TRHDE: variants seen among roughly 807,000 people sequenced by gnomAD.
TRHDE encodes the protein thyrotropin-releasing hormone-degrading ectoenzyme.
In TRHDE, 72 loss-of-function variants were observed where a neutral mutation model predicts 125.7. The ratio of observed to expected loss-of-function variants is 0.57; its 90% confidence interval spans 0.47 to 0.70. The LOEUF (loss-of-function observed/expected upper bound fraction) is 0.70. Among genes scored for constraint, TRHDE ranks in the 30% least tolerant of loss-of-function variants. TRHDE has a pLI of 0.00. For synonymous variants in TRHDE, 509 were observed against 509.1 expected, an observed-to-expected ratio of 1.00 and a Z score of 0.00; for missense variants, 1,110 against 1,327.1, an observed-to-expected ratio of 0.84 and a Z score of 2.54.
At chr12:72,557,970 C>T (rs1470959409) in intron 7 of TRHDE, among the ~76,000 whole-genome samples, 1 of 152,024 alleles carries the variant, frequency 6.6e-6, no homozygotes, top group African/African-American at 2.4e-5. Context: ...CACACACACA[C>T]ACACACACAT....
chr12:72,415,801 T>A (rs1873706859), intron 3 of TRHDE, among the ~76,000 whole-genome samples: 1 of 152,148 alleles, frequency 6.6e-6, no homozygotes, highest in South Asian at 2.1e-4. Context: ...ACATTTAGAC[T>A]GATTCCATAC....
Position 72,499,574 on chromosome 12 carries a change from C to T in TRHDE, c.1661C>T (p.Ser554Leu). Residue 554 changes from serine (S) to leucine (L), a missense_variant, in exon 6 of 19, where the codon TCA becomes TTA. Transcript: ENST00000261180. ...LDGLASSHPV[S>L]QEVLQATDID... Reference sequence around the variant, plus strand: ...GGTTTGGCCAGTTCCCATCCAGTATCACAGGAAGTGCTGCAGGCAACAGAT... The same window carrying T: ...GGTTTGGCCAGTTCCCATCCAGTATTACAGGAAGTGCTGCAGGCAACAGAT... The T allele has an allele frequency of 6.2e-7, 1 of 1,613,864 alleles. No homozygotes were observed.
At chr12:72,187,596 T>C (rs1021276575) in intron 2 of TRHDE, among the ~76,000 whole-genome samples, 1 of 152,050 alleles carries the variant, frequency 6.6e-6, no homozygotes, top group African/African-American at 2.4e-5. Flanking sequence ...GGAACACTGA[T>C]GTCCTAGCTC....
intron 2 of TRHDE, among the ~76,000 whole-genome samples, chr12:72,157,439 T>C (rs763156481): frequency 7.2e-5 from 11 of 152,142 alleles, no homozygotes; most frequent in South Asian, 2.1e-4. Flanking sequence ...AGGAGGCCAT[T>C]ATAATAGTTC....
intron 2 of TRHDE, among the ~76,000 whole-genome samples, chr12:72,233,440 T>A (rs1221867423): frequency 6.6e-6 from 1 of 152,138 alleles, no homozygotes; most frequent in Non-Finnish European, 1.5e-5. Flanking sequence ...TGACTCGAGA[T>A]GGCTAGAGCG....
chr12:72,305,802 A>T (rs954351319), intron 2 of TRHDE, among the ~76,000 whole-genome samples: 2 of 152,218 alleles, frequency 1.3e-5, no homozygotes, highest in African/African-American at 4.8e-5. Context: ...GAGATCATTT[A>T]CTGGTTCCAC....
chr12:72,489,982 C>A (rs1232482567), intron 5 of TRHDE, among the ~76,000 whole-genome samples: 1 of 151,584 alleles, frequency 6.6e-6, no homozygotes, highest in Non-Finnish European at 1.5e-5. Context: ...CAAAAGAAAA[C>A]ATAAATAAAT....
intron 2 of TRHDE, among the ~76,000 whole-genome samples, chr12:72,233,127 C>A (rs1878278575): frequency 6.6e-6 from 1 of 152,130 alleles, no homozygotes; most frequent in Non-Finnish European, 1.5e-5. Flanking sequence ...TCTCCCCAAG[C>A]CTCCAATAAC....
intron 2 of TRHDE, among the ~76,000 whole-genome samples, chr12:72,328,362 G>C (rs1869435025): frequency 6.6e-6 from 1 of 151,944 alleles, no homozygotes; most frequent in Non-Finnish European, 1.5e-5. Context: ...ACAATTTAAT[G>C]GTTTAAATTT....
rs931894301 is a variant in TRHDE, at chr12:72,273,670, G to GT, written c.914+114dup. On this transcript the variant is annotated intron_variant, in intron 1 of 18. Coordinates refer to ENST00000261180, the MANE Select transcript of TRHDE (RefSeq NM_013381.3). This position sits in a 1 kb window ranked among gnomAD's most constrained non-coding sequence, Gnocchi z 5.3. ...GCTTCCAATACCCGGGAAGCCAGGGGTGGGGGGAAGGAAACGAAAGCGGAG... is the reference window on the plus strand; with the variant it reads ...GCTTCCAATACCCGGGAAGCCAGGGGTTGGGGGGAAGGAAACGAAAGCGGAG... 15 of 1,053,212 alleles carry GT rather than the reference G, an allele frequency of 1.4e-5. No individual in the cohort carries two copies. Among genetic ancestry groups the GT allele is most frequent in the Non-Finnish European group, 1.9e-5 (14 of 728,680 alleles). 65.2% of individuals were successfully genotyped at this position (1,053,212 alleles called of 1,614,324 possible).
intron 12 of TRHDE, among the ~76,000 whole-genome samples, chr12:72,608,687 C>A (rs907468291): frequency 6.6e-6 from 1 of 152,160 alleles, no homozygotes; most frequent in African/African-American, 2.4e-5. Context: ...AGCCATGAAC[C>A]AAACTTCTCC....
intron 2 of TRHDE, among the ~76,000 whole-genome samples, chr12:72,312,174 C>A (rs1017846505): frequency 1.3e-5 from 2 of 152,176 alleles, no homozygotes; most frequent in Non-Finnish European, 2.9e-5. Flanking sequence ...CAGGACCGCC[C>A]TCAAAGGCCA....
chr12:72,433,503 A>G (rs1164543896), intron 3 of TRHDE, among the ~76,000 whole-genome samples: 1 of 152,006 alleles, frequency 6.6e-6, no homozygotes, highest in African/African-American at 2.4e-5. Flanking sequence ...CTCCCCGAGC[A>G]TGGAGCCTTT....
chr12:72,508,228 GCTACCATCCTCCAGACC>G (rs1164010487), intron 6 of TRHDE, among the ~76,000 whole-genome samples: 1 of 152,172 alleles, frequency 6.6e-6, no homozygotes, highest in Admixed American at 6.5e-5. Context: ...TGAGAAGAGG[GCTACCATCCTCCAGACC>G]CTAGAATTAT....
intron 1 of TRHDE, among the ~76,000 whole-genome samples, chr12:72,278,066 T>A (rs533760017): frequency 2.1e-4 from 32 of 152,148 alleles, no homozygotes; most frequent in Non-Finnish European, 4.0e-4. Context: ...TAATTATATA[T>A]CCTTTGACCA....
intron 14 of TRHDE, 97 bp downstream of exon 14, chr12:72,621,302 C>A: frequency 1.2e-6 from 1 of 801,430 alleles, no homozygotes. Context: ...AGACAATCTT[C>A]CTTTCATTCT....
intron 3 of TRHDE, among the ~76,000 whole-genome samples, chr12:72,381,127 T>TA (rs1261933450): frequency 1.3e-5 from 2 of 152,132 alleles, no homozygotes; most frequent in African/African-American, 4.8e-5. Context: ...TGTGTGCTGC[T>TA]AGCAGTTGGT....
intron 2 of TRHDE, among the ~76,000 whole-genome samples, chr12:72,194,125 T>C (rs184191813): frequency 4.6e-4 from 70 of 152,208 alleles, no homozygotes; most frequent in African/African-American, 1.7e-3. Context: ...GCCATACATG[T>C]GATAGGAGAT....
intron 3 of TRHDE, among the ~76,000 whole-genome samples, chr12:72,426,240 G>T (rs921506910): frequency 6.6e-6 from 1 of 152,050 alleles, no homozygotes; most frequent in Non-Finnish European, 1.5e-5. Flanking sequence ...TCTCTCTGTT[G>T]AATGTAATAA....
Sources: gnomAD v4.1 joint callset for allele counts (sites outside exome capture counted in the v4.1 genomes callset) on GRCh38, gnomAD v4.1.1 for gene constraint, Gnocchi (gnomAD v3.1) non-coding constraint, MANE v1.5 for transcripts, NCBI Gene and HGNC (gene_info 2026-07-23, HGNC 2026-07-21) for gene names.